KIF26B: variants seen among roughly 807,000 people sequenced by gnomAD.
KIF26B encodes kinesin-like protein KIF26B.
KIF26B carries 63 observed loss-of-function variants against 151.2 expected under a neutral mutation model. The observed-to-expected ratio is 0.42, with a 90% confidence interval of 0.34 to 0.51. The LOEUF is 0.51. Ranked by LOEUF, KIF26B falls within the 20% of genes least tolerant of loss-of-function variation. The pLI is 0.07. For synonymous variants in KIF26B, 1,357 were observed against 1,262.1 expected (o/e 1.08, Z -1.59); for missense variants, 2,813 against 2,913.6 (o/e 0.97, Z 0.79).
At position 245,609,488 on chromosome 1, in the gene KIF26B, C is replaced by T. The variant is rs1030984454; in HGVS notation, c.1874C>T (p.Pro625Leu). The T allele has an allele frequency of 8.3e-5, 133 of 1,594,114 alleles. No individual in the cohort carries two copies. The highest frequency in any genetic ancestry group is 1.1e-4 in the Non-Finnish European group (130 of 1,169,750). The change falls in exon 8 of 15, where the codon CCG (proline) becomes CTG (leucine). Residue 625 changes from proline to leucine, a missense_variant. Transcript: ENST00000407071. ...ATGSLQDGQS[P>L]GVYLCEDPIC... ...GGCAGCCTGCAGGACGGCCAGTCCC[C>T]GGGCGTGTACCTCTGTGAGGACCCC...
chr1:245,533,189 C>T (rs1036371173), intron 4 of KIF26B, among the ~76,000 whole-genome samples: 2 of 152,156 alleles, frequency 1.3e-5, no homozygotes, highest in African/African-American at 4.8e-5. Context: ...TCTATAATGG[C>T]ACGTGAGCCA....
intron 2 of KIF26B, among the ~76,000 whole-genome samples, chr1:245,337,741 A>C (rs1331665614): frequency 6.6e-6 from 1 of 152,206 alleles, no homozygotes; most frequent in Non-Finnish European, 1.5e-5. Flanking sequence ...CATCTCACCC[A>C]TAAGTCATTT....
intron 4 of KIF26B, among the ~76,000 whole-genome samples, chr1:245,507,771 G>C (rs1470855921): frequency 6.6e-6 from 1 of 152,156 alleles, no homozygotes; most frequent in Admixed American, 6.5e-5. Context: ...GGGATTCCCA[G>C]CTTCACAGCA....
chr1:245,659,610 G>A (rs1558255842), intron 10 of KIF26B, among the ~76,000 whole-genome samples: 1 of 152,184 alleles, frequency 6.6e-6, no homozygotes, highest in Non-Finnish European at 1.5e-5. Flanking sequence ...TACAGTACTA[G>A]TCTAAGCATT....
intron 4 of KIF26B, among the ~76,000 whole-genome samples, chr1:245,428,158 C>T (rs1558161830): frequency 6.6e-6 from 1 of 152,122 alleles, no homozygotes; most frequent in Non-Finnish European, 1.5e-5. Context: ...CCTCTGGTTT[C>T]TTATTTATTT....
intron 3 of KIF26B, among the ~76,000 whole-genome samples, chr1:245,402,590 A>G (rs957488557): frequency 3.9e-5 from 6 of 152,226 alleles, no homozygotes; most frequent in Non-Finnish European, 8.8e-5. Flanking sequence ...GTGAACCCAA[A>G]TTCAGGAGAC....
chr1:245,399,865 A>G (rs1042443559), intron 3 of KIF26B, among the ~76,000 whole-genome samples: 1 of 152,202 alleles, frequency 6.6e-6, no homozygotes, highest in Admixed American at 6.5e-5. Flanking sequence ...TATTGAGATG[A>G]TTTTTCAGAT....
At position 245,516,106 on chromosome 1, in the gene KIF26B, G is replaced by A. The variant is rs1660956811; in HGVS notation, c.1167-24661G>A. 6.6e-6 allele frequency among the ~76,000 whole-genome samples: 1 copy of A among 151,956 alleles called. No individual in the cohort carries two copies. ...CTCCCCTGAGTTTGTTTTCACGGTGGGACTATCCAGGACTAAAGAGAATGG... is the reference window on the plus strand; with the variant it reads ...CTCCCCTGAGTTTGTTTTCACGGTGAGACTATCCAGGACTAAAGAGAATGG... On this transcript the variant is annotated intron_variant, in intron 4 of 14. Transcript: ENST00000407071. This position sits in a 1 kb window ranked among gnomAD's most constrained non-coding sequence, Gnocchi z 4.2.
intron 5 of KIF26B, among the ~76,000 whole-genome samples, chr1:245,557,944 G>A (rs899485952): frequency 6.6e-6 from 1 of 152,172 alleles, no homozygotes; most frequent in Non-Finnish European, 1.5e-5. Flanking sequence ...TGGGTTTCAG[G>A]AGCGAGAAAT....
chr1:245,538,257 C>A (rs1661528854), intron 4 of KIF26B, among the ~76,000 whole-genome samples: 1 of 152,138 alleles, frequency 6.6e-6, no homozygotes, highest in East Asian at 1.9e-4. Context: ...AGAGGGCCTG[C>A]AGAAGGCCAG....
intron 10 of KIF26B, among the ~76,000 whole-genome samples, chr1:245,649,200 C>T (rs1345316976): frequency 2.6e-5 from 4 of 152,330 alleles, no homozygotes; most frequent in South Asian, 4.1e-4. Flanking sequence ...TTGGCATCTG[C>T]AAATGTACAT....
At chr1:245,220,547 G>C (rs2103548762) in intron 2 of KIF26B, among the ~76,000 whole-genome samples, 1 of 152,288 alleles carries the variant, frequency 6.6e-6, no homozygotes, top group African/African-American at 2.4e-5. Context: ...CGCCTCACTA[G>C]TCAGGCACCC....
rs1670175810 is a variant in KIF26B, at chr1:245,239,612, T to C, written c.465+82929T>C. 1.3e-5 allele frequency among the ~76,000 whole-genome samples: 2 copies of C among 152,116 alleles called. No homozygotes were observed. The highest frequency in any genetic ancestry group is 4.1e-4 in the South Asian group (2 of 4,822). ...TCTGCCTCCTAGGTTCAAGCAATTCTTCTGCTTTGGCCTCCATAGTAGCTG... is the reference window on the plus strand; with the variant it reads ...TCTGCCTCCTAGGTTCAAGCAATTCCTCTGCTTTGGCCTCCATAGTAGCTG... On this transcript the variant is annotated intron_variant, in intron 2 of 14. Coordinates refer to ENST00000407071, the MANE Select transcript of KIF26B (RefSeq NM_018012.4). This position sits in a 1 kb window ranked among gnomAD's most constrained non-coding sequence, Gnocchi z 4.3.
intron 4 of KIF26B, among the ~76,000 whole-genome samples, chr1:245,484,766 C>CTTCTTCTTCTTCTTCTT (rs1558184420): frequency 8.1e-6 from 1 of 123,262 alleles, no homozygotes; most frequent in African/African-American, 3.2e-5. Context: ...TCTTCTTCTT[C>CTTCTTCTTCTTCTTCTT]ATATTATTAT....
chr1:245,520,039 T>C (rs894266705), intron 4 of KIF26B, among the ~76,000 whole-genome samples: 1 of 151,724 alleles, frequency 6.6e-6, no homozygotes, highest in African/African-American at 2.4e-5. Flanking sequence ...CCTGAAAATA[T>C]AATTTTGAAA....
intron 5 of KIF26B, among the ~76,000 whole-genome samples, chr1:245,595,354 T>C (rs1249284984): frequency 1.3e-5 from 2 of 152,242 alleles, no homozygotes; most frequent in African/African-American, 4.8e-5. Context: ...CCTAATTTAC[T>C]GAGAGTTTTT....
chr1:245,625,471 G>A (rs1223238649), intron 9 of KIF26B, among the ~76,000 whole-genome samples: 1 of 151,952 alleles, frequency 6.6e-6, no homozygotes, highest in East Asian at 1.9e-4. Context: ...TTTAAAGTAG[G>A]AAAAAGCTAT....
At position 245,688,814 on chromosome 1, in the gene KIF26B, G is replaced by A. The variant is rs770396318; in HGVS notation, c.5824+7G>A. On this transcript the variant is annotated splice_region_variant and intron_variant, in intron 12 of 14. Coordinates refer to ENST00000407071, the MANE Select transcript of KIF26B (RefSeq NM_018012.4). ...AAGAAACGCTCCAATCCAGGTAGGC[G>A]GCTGGGCGCAGGGACGCGGGTGAGG... 9.6e-6 allele frequency: 15 copies of A among 1,563,642 alleles called. No homozygotes were observed. The highest frequency in any genetic ancestry group is 4.1e-5 in the African/African-American group (3 of 73,330).
rs548017418 is a variant in KIF26B, at chr1:245,387,147, TTTTTTTG to T, written c.999+19809_999+19815del. Among the ~76,000 whole-genome samples, 192 of 143,676 alleles carry T rather than the reference TTTTTTTG, an allele frequency of 1.3e-3. 2 individuals are homozygous for T. The highest frequency in any genetic ancestry group is 1.9e-3 in the Non-Finnish European group (127 of 66,904). The allele number at this position is 143,676 out of a possible 152,430, so 94.3% of individuals were successfully genotyped here. On this transcript the variant is annotated intron_variant, in intron 3 of 14. Coordinates refer to ENST00000407071, the MANE Select transcript of KIF26B (RefSeq NM_018012.4). The stretch of plus-strand genomic sequence containing the variant: ...GAGGCTGTATTATCTGACCTAGGTT[TTTTTTTG>T]TTTTTTGTTTTTTGTTTTTTGTTTT...
Sources: gnomAD v4.1 joint callset for allele counts (sites outside exome capture counted in the v4.1 genomes callset) on GRCh38, gnomAD v4.1.1 for gene constraint, Gnocchi (gnomAD v3.1) non-coding constraint, MANE v1.5 for transcripts, NCBI Gene and HGNC (gene_info 2026-07-23, HGNC 2026-07-21) for gene names.